The following KLF12 variants were observed in gnomAD, a reference collection of about 807,000 sequenced individuals.
KLF12 encodes KLF transcription factor 12.
Under a neutral mutation model 37.8 loss-of-function variants are expected in KLF12, and 9 were observed. The observed-to-expected ratio is 0.24, with a 90% CI of 0.14 to 0.42. KLF12 has a LOEUF of 0.42. KLF12 is among the 10% of genes least tolerant of loss of function. KLF12 has a pLI of 1.00. For synonymous variants in KLF12, 208 were observed against 202.1 expected (o/e 1.03, Z -0.25); for missense variants, 411 against 516.0 (o/e 0.80, Z 1.97).
intron 4 of KLF12, among the ~76,000 whole-genome samples, chr13:73,815,657 A>G (rs1883173936): frequency 6.6e-6 from 1 of 152,232 alleles, no homozygotes; most frequent in African/African-American, 2.4e-5. Flanking sequence ...TCAAAAATTT[A>G]ACATTTAAAG....
intron 4 of KLF12, among the ~76,000 whole-genome samples, chr13:73,841,814 G>T (rs1190661047): frequency 6.6e-6 from 1 of 152,074 alleles, no homozygotes; most frequent in Non-Finnish European, 1.5e-5. Context: ...ACTGTGGGGG[G>T]GCTAACTGCT....
intron 5 of KLF12, among the ~76,000 whole-genome samples, chr13:73,775,444 T>C (rs921105087): frequency 2.6e-5 from 4 of 152,206 alleles, no homozygotes; most frequent in Non-Finnish European, 4.4e-5. Context: ...ACCTATATCA[T>C]GGAACTGACA....
chr13:74,176,508 C>T, the KLF12 span, among the ~76,000 whole-genome samples: 2 of 152,164 alleles, frequency 1.3e-5, no homozygotes, highest in East Asian at 1.9e-4. Context: ...TACCCATGAT[C>T]GTTCAGTGGG....
chr13:74,188,311 A>T, the KLF12 span, among the ~76,000 whole-genome samples: 3 of 152,186 alleles, frequency 2.0e-5, no homozygotes, highest in African/African-American at 7.2e-5. Flanking sequence ...ACCAGTGAAT[A>T]AAACAGACCC....
chr13:74,107,698 A>G (rs1876731071), intron 1 of KLF12, among the ~76,000 whole-genome samples: 1 of 152,238 alleles, frequency 6.6e-6, no homozygotes, highest in African/African-American at 2.4e-5. Context: ...TAAACCACAT[A>G]GCAGAAAGTA....
At chr13:73,847,032 A>C (rs1436084156) in intron 3 of KLF12, among the ~76,000 whole-genome samples, 1 of 152,184 alleles carries the variant, frequency 6.6e-6, no homozygotes, top group Non-Finnish European at 1.5e-5. Context: ...AATGTTGTTC[A>C]AGTTCACCTG....
chr13:74,067,583 T>C (rs1364246736), intron 1 of KLF12, among the ~76,000 whole-genome samples: 2 of 152,110 alleles, frequency 1.3e-5, no homozygotes, highest in Non-Finnish European at 2.9e-5. Context: ...GCCTTTCAAG[T>C]ATTGAAGAAA....
chr13:74,173,500 C>T, the KLF12 span, among the ~76,000 whole-genome samples: 1 of 152,190 alleles, frequency 6.6e-6, no homozygotes, highest in East Asian at 1.9e-4. Context: ...AAACCACCAG[C>T]CTGTGTGCTT....
chr13:73,823,224 T>C (rs1883633141), intron 4 of KLF12, among the ~76,000 whole-genome samples: 1 of 151,770 alleles, frequency 6.6e-6, no homozygotes, highest in Non-Finnish European at 1.5e-5. Flanking sequence ...ATTTTAAGTA[T>C]CACCAAATCA....
chr13:73,840,842 A>T (rs1884697457), intron 4 of KLF12, among the ~76,000 whole-genome samples: 1 of 151,632 alleles, frequency 6.6e-6, no homozygotes, highest in Non-Finnish European at 1.5e-5. Flanking sequence ...CCCCCTACTT[A>T]AGCCTCTCTA....
intron 3 of KLF12, among the ~76,000 whole-genome samples, chr13:73,879,458 T>C (rs192838533): frequency 6.6e-6 from 1 of 152,330 alleles, no homozygotes; most frequent in Admixed American, 6.5e-5. Flanking sequence ...TTATACACTG[T>C]AGACAACTGC....
chr13:73,908,773 CCTGGCCGGTTTTCA>C (rs1888435614), intron 3 of KLF12, among the ~76,000 whole-genome samples: 2 of 152,124 alleles, frequency 1.3e-5, no homozygotes, highest in Non-Finnish European at 2.9e-5. Context: ...AGCTACCGCG[CCTGGCCGGTTTTCA>C]TTTTTCTTTA....
At chr13:73,853,118 C>T (rs1048523442) in intron 3 of KLF12, among the ~76,000 whole-genome samples, 8 of 152,180 alleles carry the variant, frequency 5.3e-5, no homozygotes, top group South Asian at 2.1e-4. Context: ...CCGCCTCCCT[C>T]GGCCTCCCAA....
chr13:74,048,158 T>C (rs1361524656), intron 1 of KLF12, among the ~76,000 whole-genome samples: 3 of 152,346 alleles, frequency 2.0e-5, no homozygotes, highest in Non-Finnish European at 1.5e-5. Context: ...TGGGGGACTT[T>C]ACAGGTGGAG....
chr13:74,292,219 G>A, the KLF12 span, among the ~76,000 whole-genome samples: 166 of 152,290 alleles, frequency 1.1e-3, no homozygotes, highest in Admixed American at 4.3e-3. Context: ...ACAGCATGGT[G>A]TTGAGTACAA....
intron 1 of KLF12, among the ~76,000 whole-genome samples, chr13:74,008,616 C>T (rs1428408193): frequency 6.6e-6 from 1 of 152,186 alleles, no homozygotes; most frequent in Non-Finnish European, 1.5e-5. Context: ...ACTGTATGTG[C>T]CAATTGGCAA....
the KLF12 span, among the ~76,000 whole-genome samples, chr13:74,291,942 G>A: frequency 6.6e-6 from 1 of 152,192 alleles, no homozygotes; most frequent in African/African-American, 2.4e-5. Flanking sequence ...AGGTTAGCTA[G>A]ATGTTGTAAA....
intron 2 of KLF12, among the ~76,000 whole-genome samples, chr13:73,962,190 T>C (rs1010065945): frequency 1.1e-4 from 16 of 152,144 alleles, no homozygotes; most frequent in Admixed American, 6.5e-5. Context: ...GAACCTTACA[T>C]GCATATTACT....
chr13:73,784,631 CT>C (rs555038538), intron 5 of KLF12, among the ~76,000 whole-genome samples: 7,215 of 136,768 alleles, frequency 0.053, 260 homozygotes, highest in East Asian at 0.16. Flanking sequence ...TCCTCATCTC[CT>C]TTTTTTTTTT....
Sources: gnomAD v4.1 joint callset for allele counts (sites outside exome capture counted in the v4.1 genomes callset) on GRCh38, gnomAD v4.1.1 for gene constraint, MANE v1.5 for transcripts, NCBI Gene and HGNC (gene_info 2026-07-23, HGNC 2026-07-21) for gene names.